The following CHD6 variants were observed in gnomAD, a reference collection of about 807,000 sequenced individuals.
The protein encoded by CHD6 is chromodomain helicase DNA binding protein 6.
Under a neutral mutation model 276.9 loss-of-function variants are expected in CHD6, and 50 were observed. The ratio of observed to expected loss-of-function variants is 0.18; its 90% CI spans 0.14 to 0.23. The LOEUF (loss-of-function observed/expected upper bound fraction) is 0.23, where lower values mean the gene tolerates loss of function less well. Ranked by LOEUF, CHD6 falls within the 10% of genes least tolerant of loss-of-function variation. The pLI, the probability that CHD6 is intolerant of heterozygous loss-of-function variation, is 1.00. For synonymous variants in CHD6, 1,173 were observed against 1,229.3 expected (o/e 0.95, Z 0.96); for missense variants, 2,564 against 3,365.8 (o/e 0.76, Z 5.89).
chr20:41,481,366 C>T lies in CHD6; in HGVS notation c.2468+1943G>A, dbSNP rs1049037027. 6.7e-4 allele frequency among the ~76,000 whole-genome samples: 101 copies of T among 151,608 alleles called. 1 individual carries two copies. The highest frequency in any genetic ancestry group is 2.2e-4 in the Non-Finnish European group (15 of 67,886). Reference sequence around the variant, plus strand: ...CTGGGGAAAGTTTTTGCAACAAATTCTTATAAATAAACAAAAAGTCAAAGA... The same window carrying T: ...CTGGGGAAAGTTTTTGCAACAAATTTTTATAAATAAACAAAAAGTCAAAGA... On this transcript the variant is annotated intron_variant, in intron 16 of 36. Coordinates refer to ENST00000373233, the MANE Select transcript of CHD6 (RefSeq NM_032221.5).
At chr20:41,445,531 T>C (rs2048038201) in intron 25 of CHD6, 134 bp downstream of exon 25, 1 of 611,294 alleles carries the variant, frequency 1.6e-6, no homozygotes, top group Non-Finnish European at 3.0e-6. Context: ...GCTGTGAAGC[T>C]CTACTTTTTA....
intron 34 of CHD6, chr20:41,413,734 T>G (rs967510745): frequency 2.4e-6 from 1 of 418,194 alleles, no homozygotes; most frequent in Admixed American, 4.4e-5. Flanking sequence ...AGCACTCCTC[T>G]CCCGCTCTTG....
intron 3 of CHD6, among the ~76,000 whole-genome samples, chr20:41,525,704 C>G (rs926540247): frequency 1.3e-5 from 2 of 152,192 alleles, no homozygotes; most frequent in Non-Finnish European, 2.9e-5. Context: ...GTCTTTTGGT[C>G]TTTTTGCTTT....
intron 1 of CHD6, among the ~76,000 whole-genome samples, chr20:41,599,731 A>G (rs750576139): frequency 6.6e-6 from 1 of 152,236 alleles, no homozygotes; most frequent in Non-Finnish European, 1.5e-5. Context: ...CTCTGTACAC[A>G]GCCCTTCCTG....
Position 41,455,784 on chromosome 20 carries a change from AGAG to A in CHD6, c.3009+13_3009+15del. On this transcript the variant is annotated intron_variant, in intron 19 of 36. Coordinates refer to ENST00000373233, the MANE Select transcript of CHD6 (RefSeq NM_032221.5). ...TCTCTCCCACCCCCAACAGCTCTGGAGAGAAGGCCCTGTACCTTGGCAAAAGTG... is the reference window on the plus strand; with the variant it reads ...TCTCTCCCACCCCCAACAGCTCTGGAAAGGCCCTGTACCTTGGCAAAAGTG... The A allele has an allele frequency of 6.6e-7, 1 of 1,506,156 alleles. No homozygotes were observed. Among genetic ancestry groups the A allele is most frequent in the Non-Finnish European group, 8.9e-7 (1 of 1,124,396 alleles). 93.3% of individuals were successfully genotyped at this position (1,506,156 alleles called of 1,614,324 possible).
At chr20:41,539,018 A>G (rs546561998) in intron 2 of CHD6, among the ~76,000 whole-genome samples, 1 of 152,242 alleles carries the variant, frequency 6.6e-6, no homozygotes, top group East Asian at 1.9e-4. Flanking sequence ...CTGCCCAGAT[A>G]CGCCGCAGTG....
chr20:41,521,895 A>C (rs1601075925), intron 3 of CHD6, among the ~76,000 whole-genome samples: 1 of 152,272 alleles, frequency 6.6e-6, no homozygotes, highest in East Asian at 1.9e-4. Flanking sequence ...TCTGAACACC[A>C]AAGTAATTGA....
chr20:41,572,134 C>G (rs1047427055), intron 1 of CHD6, among the ~76,000 whole-genome samples: 2 of 152,198 alleles, frequency 1.3e-5, no homozygotes, highest in Non-Finnish European at 2.9e-5. Flanking sequence ...AGTACTAGCT[C>G]TGTAATAATG....
rs752701064 is a variant in CHD6, at chr20:41,413,496, C to T, written c.6959G>A (p.Gly2320Glu). ...AGILEVHEDP[G>E]QATLSTTHPE... ...GTGTGTGGTGCTCAAGGTGGCCTGCCCTGGGTCTTCATGGACTTCCTGGAT... is the reference window on the plus strand; with the variant it reads ...GTGTGTGGTGCTCAAGGTGGCCTGCTCTGGGTCTTCATGGACTTCCTGGAT... The change falls in exon 35 of 37, where the codon GGG (glycine) becomes GAG (glutamate). Residue 2320 changes from glycine to glutamate, a missense_variant. Transcript: ENST00000373233. 2.1e-5 allele frequency: 33 copies of T among 1,579,464 alleles called. No homozygotes were observed. Among genetic ancestry groups the T allele is most frequent in the Non-Finnish European group, 2.8e-5 (32 of 1,162,910 alleles).
At chr20:41,535,464 C>T (rs947590132) in intron 2 of CHD6, among the ~76,000 whole-genome samples, 2 of 152,208 alleles carry the variant, frequency 1.3e-5, no homozygotes, top group African/African-American at 4.8e-5. Context: ...AACTTTCCAT[C>T]TGGCCAAAGC....
At chr20:41,559,171 C>G (rs146251383) in intron 1 of CHD6, among the ~76,000 whole-genome samples, 233 of 152,084 alleles carry the variant, frequency 1.5e-3, no homozygotes, top group African/African-American at 5.3e-3. Context: ...CACACACACA[C>G]ACACACAAAG....
In CHD6 at chr20:41,445,650, C is replaced by T. The variant is rs1311050597; in HGVS notation, c.3877+15G>A. 6.3e-7 allele frequency: 1 copy of T among 1,584,580 alleles called. No individual in the cohort carries two copies. The highest frequency in any genetic ancestry group is 2.2e-5 in the East Asian group (1 of 44,690). On this transcript the variant is annotated intron_variant, in intron 25 of 36. Coordinates refer to ENST00000373233, the MANE Select transcript of CHD6 (RefSeq NM_032221.5). ...AAACTGATACAGAAGGGAACGCCTTCAGAGAAATACACACCATGCTTGAAC... is the reference window on the plus strand; with the variant it reads ...AAACTGATACAGAAGGGAACGCCTTTAGAGAAATACACACCATGCTTGAAC...
intron 3 of CHD6, among the ~76,000 whole-genome samples, chr20:41,532,125 T>TA (rs1432377049): frequency 6.6e-6 from 1 of 152,196 alleles, no homozygotes; most frequent in Non-Finnish European, 1.5e-5. Context: ...TGATGACAGA[T>TA]ACGGAATTCC....
At chr20:41,613,014 TAAGTA>T (rs2045902941) in intron 1 of CHD6, among the ~76,000 whole-genome samples, 1 of 152,200 alleles carries the variant, frequency 6.6e-6, no homozygotes. Context: ...CTTGACTTAT[TAAGTA>T]AATAATAAGG....
chr20:41,566,676 G>A (rs963625911), intron 1 of CHD6, among the ~76,000 whole-genome samples: 4 of 152,078 alleles, frequency 2.6e-5, no homozygotes, highest in African/African-American at 4.8e-5. Context: ...GGGTCACCCC[G>A]TCCTCTTGGT....
At chr20:41,576,676 C>G (rs999347567) in intron 1 of CHD6, among the ~76,000 whole-genome samples, 3 of 152,046 alleles carry the variant, frequency 2.0e-5, no homozygotes, top group Non-Finnish European at 4.4e-5. Flanking sequence ...TCTGTCTCCC[C>G]CCAGCAAAAA....
At chr20:41,590,349 C>A (rs906516076) in intron 1 of CHD6, among the ~76,000 whole-genome samples, 6 of 152,048 alleles carry the variant, frequency 3.9e-5, no homozygotes, top group Non-Finnish European at 7.4e-5. Flanking sequence ...GCAACAAAAG[C>A]CAAAATTGAC....
chr20:41,434,610 T>C (rs2047649351), intron 27 of CHD6, among the ~76,000 whole-genome samples: 1 of 152,224 alleles, frequency 6.6e-6, no homozygotes, highest in African/African-American at 2.4e-5. Flanking sequence ...CCTCCAGTGA[T>C]CTGCCTTCTT....
chr20:41,566,085 A>G (rs574661608), intron 1 of CHD6, among the ~76,000 whole-genome samples: 1 of 152,276 alleles, frequency 6.6e-6, no homozygotes, highest in African/African-American at 2.4e-5. Flanking sequence ...TGGCTGAAGC[A>G]CATTAAAAAA....
Sources: allele counts gnomAD v4.1 joint callset (sites outside exome capture counted in the v4.1 genomes callset), GRCh38; gene constraint gnomAD v4.1.1; transcripts MANE v1.5; gene names NCBI Gene and HGNC (gene_info 2026-07-23, HGNC 2026-07-21).